Variants in FAM169A observed in about 807,000 individuals in gnomAD.
The protein encoded by FAM169A is family with sequence similarity 169 member A.
Under a neutral mutation model 75.7 loss-of-function variants are expected in FAM169A, and 24 were observed. The observed-to-expected ratio is 0.32, with a 90% CI of 0.23 to 0.45. The LOEUF (loss-of-function observed/expected upper bound fraction) is 0.45, where lower values mean the gene tolerates loss of function less well. Among genes scored for constraint, FAM169A ranks in the 20% least tolerant of loss-of-function variants. The pLI, the probability that FAM169A is intolerant of heterozygous loss-of-function variation, is 1.00. For synonymous variants in FAM169A, 271 were observed against 271.0 expected (o/e 1.00, Z 0.00); for missense variants, 673 against 784.0 (o/e 0.86, Z 1.69).
intron 5 of FAM169A, among the ~76,000 whole-genome samples, chr5:74,832,910 G>A (rs965528857): frequency 6.6e-6 from 1 of 151,950 alleles, no homozygotes; most frequent in Non-Finnish European, 1.5e-5. Context: ...ATATGGAAGG[G>A]ACTAAAAGTG....
chr5:74,849,029 A>G (rs1477980108), intron 1 of FAM169A, among the ~76,000 whole-genome samples: 2 of 152,208 alleles, frequency 1.3e-5, no homozygotes, highest in Non-Finnish European at 2.9e-5. Flanking sequence ...TGTAGCCTTA[A>G]GTGAACTCAT....
chr5:74,839,156 G>C, intron 3 of FAM169A, 106 bp from the exon 4 acceptor site: 1 of 789,288 alleles, frequency 1.3e-6, no homozygotes. Context: ...ATATTTAAGA[G>C]TATCTATATA....
intron 1 of FAM169A, among the ~76,000 whole-genome samples, chr5:74,847,939 A>G (rs186737249): frequency 3.3e-4 from 50 of 152,310 alleles, no homozygotes; most frequent in Admixed American, 5.9e-4. Flanking sequence ...CATACAGAAG[A>G]GCACCAGGGG....
intron 5 of FAM169A, among the ~76,000 whole-genome samples, chr5:74,818,651 A>G (rs1158767300): frequency 7.0e-6 from 1 of 143,382 alleles, no homozygotes; most frequent in African/African-American, 2.6e-5. Flanking sequence ...AAACTCATCT[A>G]CACTAATAGG....
chr5:74,817,267 G>T (rs1370487221), intron 5 of FAM169A, among the ~76,000 whole-genome samples: 2 of 151,812 alleles, frequency 1.3e-5, no homozygotes, highest in Admixed American at 1.3e-4. Flanking sequence ...GTCTCTATTT[G>T]CAGGTAACAT....
intron 5 of FAM169A, among the ~76,000 whole-genome samples, chr5:74,819,253 A>C (rs1238223785): frequency 6.6e-6 from 1 of 152,070 alleles, no homozygotes; most frequent in African/African-American, 2.4e-5. Context: ...TATTTGAAAT[A>C]TTTCTATTCA....
chr5:74,866,899 A>T, upstream of FAM169A: 2 of 985,514 alleles, frequency 2.0e-6, no homozygotes, highest in Non-Finnish European at 2.4e-6. Flanking sequence ...CCGCCCCACC[A>T]CTTTCATCCT....
chr5:74,827,991 TTA>T (rs1314836617), intron 5 of FAM169A, among the ~76,000 whole-genome samples: 1 of 152,060 alleles, frequency 6.6e-6, no homozygotes, highest in Non-Finnish European at 1.5e-5. Flanking sequence ...TTTAATTAGT[TTA>T]TGAGTTCATG....
At chr5:74,791,975 T>C (rs1238073479) in intron 11 of FAM169A, among the ~76,000 whole-genome samples, 1 of 152,202 alleles carries the variant, frequency 6.6e-6, no homozygotes, top group African/African-American at 2.4e-5. Context: ...ACTAAGAAAA[T>C]ATCTTCATTT....
intron 10 of FAM169A, among the ~76,000 whole-genome samples, chr5:74,798,355 C>CCACAAAAATTCCACAATAATTAAATT: frequency 6.6e-6 from 1 of 152,250 alleles, no homozygotes; most frequent in South Asian, 2.1e-4. Context: ...CACAATAATT[C>CCACAAAAATTCCACAATAATTAAATT]TGGGAGGTTC....
chr5:74,802,023 C>T (rs1160497558), intron 8 of FAM169A, among the ~76,000 whole-genome samples: 1 of 152,124 alleles, frequency 6.6e-6, no homozygotes, highest in Admixed American at 6.5e-5. Flanking sequence ...CAGTGGATGT[C>T]CCATCCAATT....
At chr5:74,789,949 A>AC (rs1157379203) in intron 11 of FAM169A, among the ~76,000 whole-genome samples, 1 of 152,130 alleles carries the variant, frequency 6.6e-6, no homozygotes, top group Non-Finnish European at 1.5e-5. Flanking sequence ...TCACCATGTG[A>AC]CCTGAACTGC....
intron 5 of FAM169A, among the ~76,000 whole-genome samples, chr5:74,822,882 A>C (rs1273648096): frequency 2.0e-5 from 3 of 152,106 alleles, no homozygotes; most frequent in Non-Finnish European, 4.4e-5. Context: ...AGCCAAAGCC[A>C]TTCAGATTCA....
chr5:74,847,900 G>A (rs1749240882), intron 1 of FAM169A, among the ~76,000 whole-genome samples: 2 of 152,030 alleles, frequency 1.3e-5, no homozygotes, highest in African/African-American at 4.8e-5. Context: ...GTGTCCCAGA[G>A]TCTGACAATT....
chr5:74,798,274 C>T (rs760148159), intron 10 of FAM169A, among the ~76,000 whole-genome samples: 16 of 152,272 alleles, frequency 1.1e-4, no homozygotes, highest in South Asian at 6.2e-4. Context: ...ATGTTTTGTT[C>T]TTCGTATGTT....
rs142073359 is a variant in FAM169A at position 74,830,666 on chromosome 5, T to C, written c.490+3760A>G. On this transcript the variant is annotated intron_variant, in intron 5 of 12. Coordinates refer to ENST00000687041, the MANE Select transcript of FAM169A (RefSeq NM_001376049.1). The stretch of plus-strand genomic sequence containing the variant: ...GATCATGTACCTGTCACCATGACTA[T>C]ACATCACATATCTATTTTTTTTTAA... 5.6e-3 allele frequency among the ~76,000 whole-genome samples: 848 copies of C among 152,306 alleles called. 3 individuals carry two copies. Among genetic ancestry groups the C allele is most frequent in the Non-Finnish European group, 8.5e-3 (579 of 68,024 alleles).
chr5:74,790,846 C>A (rs1177557259), intron 11 of FAM169A, among the ~76,000 whole-genome samples: 1 of 152,206 alleles, frequency 6.6e-6, no homozygotes, highest in Non-Finnish European at 1.5e-5. Flanking sequence ...GGTGATCAGA[C>A]AGCTAATTGG....
At chr5:74,858,196 A>G (rs1749824068) in intron 1 of FAM169A, among the ~76,000 whole-genome samples, 1 of 151,844 alleles carries the variant, frequency 6.6e-6, no homozygotes, top group Non-Finnish European at 1.5e-5. Context: ...GACCAGCCTG[A>G]CCAACATAGT....
At chr5:74,823,177 TA>T (rs1747849021) in intron 5 of FAM169A, among the ~76,000 whole-genome samples, 1 of 152,224 alleles carries the variant, frequency 6.6e-6, no homozygotes, top group Non-Finnish European at 1.5e-5. Context: ...CACTTCTTTG[TA>T]GGACAATTAA....
Sources: allele counts gnomAD v4.1 joint callset (sites outside exome capture counted in the v4.1 genomes callset), GRCh38; gene constraint gnomAD v4.1.1; transcripts MANE v1.5; gene names NCBI Gene and HGNC (gene_info 2026-07-23, HGNC 2026-07-21).